COA1: variants seen among roughly 807,000 people sequenced by gnomAD.
The protein encoded by COA1 is cytochrome c oxidase assembly factor 1.
Under a neutral mutation model 16.0 loss-of-function variants are expected in COA1, and 13 were observed. That is an observed-to-expected ratio of 0.81 (90% CI 0.53 to 1.29). The LOEUF is 1.29. COA1 is among the 50% of genes most tolerant of loss of function. The pLI is 0.00. For synonymous variants in COA1, 65 were observed against 65.7 expected (o/e 0.99, Z 0.05); for missense variants, 179 against 177.0 (o/e 1.01, Z -0.06).
intron 1 of COA1, chr7:43,657,295 G>A (rs1418470239): frequency 6.6e-6 from 1 of 152,218 alleles, no homozygotes; most frequent in Non-Finnish European, 1.5e-5. Flanking sequence ...CAAGTGTATA[G>A]ATTAGCAATT....
intron 1 of COA1, among the ~76,000 whole-genome samples, chr7:43,662,973 G>A (rs534314571): frequency 6.6e-6 from 1 of 152,084 alleles, no homozygotes; most frequent in African/African-American, 2.4e-5. Flanking sequence ...ATATAGTTTG[G>A]GTATTTGTCC....
intron 4 of COA1, among the ~76,000 whole-genome samples, chr7:43,643,001 A>T (rs561242532): frequency 6.6e-6 from 1 of 152,356 alleles, no homozygotes; most frequent in African/African-American, 2.4e-5. Context: ...GAAGGCGTGC[A>T]CTGAGGCTCC....
intron 5 of COA1, 92 bp from the exon 6 acceptor site, chr7:43,639,773 GAAT>G (rs2086600784): frequency 3.3e-6 from 3 of 907,216 alleles, no homozygotes; most frequent in Non-Finnish European, 5.2e-6. Flanking sequence ...CAGTTGTTTT[GAAT>G]AATGCCTTAA....
At chr7:43,693,794 C>T (rs574942322) in intron 1 of COA1, among the ~76,000 whole-genome samples, 4 of 152,034 alleles carry the variant, frequency 2.6e-5, no homozygotes, top group Admixed American at 2.0e-4. Flanking sequence ...TACTCTCTAC[C>T]TAATCCGAAC....
chr7:43,623,918 G>T, intron 6 of COA1: 2 of 1,340,660 alleles, frequency 1.5e-6, no homozygotes, highest in South Asian at 4.1e-5. Flanking sequence ...GTTTAATATT[G>T]AACTAATTCA....
chr7:43,648,460 C>T (rs557987104), intron 2 of COA1, 140 bp downstream of exon 2: 97 of 883,502 alleles, frequency 1.1e-4, no homozygotes, highest in Middle Eastern at 8.6e-4. Flanking sequence ...CCCATCCCTC[C>T]TGTGAAGTTA....
intron 1 of COA1, among the ~76,000 whole-genome samples, chr7:43,717,968 G>A (rs2095428955): frequency 6.6e-6 from 1 of 152,142 alleles, no homozygotes; most frequent in African/African-American, 2.4e-5. Context: ...CACCATGACT[G>A]TGAGGATTCC....
intron 6 of COA1, among the ~76,000 whole-genome samples, chr7:43,619,918 A>C (rs556560037): frequency 1.5e-4 from 23 of 152,372 alleles, no homozygotes; most frequent in Middle Eastern, 3.4e-3. Context: ...TGATCTCTTC[A>C]CTATCTCTTC....
At chr7:43,679,727 T>C (rs2093683155) in intron 1 of COA1, among the ~76,000 whole-genome samples, 1 of 152,072 alleles carries the variant, frequency 6.6e-6, no homozygotes, top group East Asian at 1.9e-4. Flanking sequence ...AAATGCAATA[T>C]CCAGGCCCCA....
At chr7:43,728,316 T>G (rs1038801593) in intron 1 of COA1, among the ~76,000 whole-genome samples, 1 of 150,808 alleles carries the variant, frequency 6.6e-6, no homozygotes, top group Non-Finnish European at 1.5e-5. Flanking sequence ...GTCAGGAAGC[T>G]GTTTTATTTT....
intron 3 of COA1, 150 bp downstream of exon 3, chr7:43,647,385 C>A: frequency 1.5e-6 from 1 of 664,276 alleles, no homozygotes; most frequent in South Asian, 1.7e-5. Context: ...ACAGAGGAAG[C>A]TATAGCCAAC....
chr7:43,667,767 G>A (rs1000364463), intron 1 of COA1, among the ~76,000 whole-genome samples: 1 of 152,208 alleles, frequency 6.6e-6, no homozygotes, highest in African/African-American at 2.4e-5. Flanking sequence ...AAATGGACTG[G>A]ACTCAGAAAG....
chr7:43,700,674 C>T (rs2094702371), intron 1 of COA1, among the ~76,000 whole-genome samples: 1 of 151,154 alleles, frequency 6.6e-6, no homozygotes, highest in Non-Finnish European at 1.5e-5. Flanking sequence ...ACTAACCTTT[C>T]TGCATTTTCT....
chr7:43,609,301 C>G (rs1466052856), exon 7 of COA1: 1 of 152,266 alleles, frequency 6.6e-6, no homozygotes, highest in African/African-American at 2.4e-5. Context: ...TTCTGAGATT[C>G]ACTCTGATTA....
At chr7:43,655,529 G>A (rs763704417) in intron 1 of COA1, among the ~76,000 whole-genome samples, 5 of 152,072 alleles carry the variant, frequency 3.3e-5, no homozygotes, top group Non-Finnish European at 7.4e-5. Context: ...TGTAATCCCT[G>A]TAATCACCTG....
At chr7:43,677,440 T>C (rs1370070420) in intron 1 of COA1, among the ~76,000 whole-genome samples, 3 of 152,172 alleles carry the variant, frequency 2.0e-5, no homozygotes, top group Non-Finnish European at 2.9e-5. Flanking sequence ...AAACAGAGGT[T>C]TGCCAAATAA....
intron 1 of COA1, among the ~76,000 whole-genome samples, chr7:43,656,799 T>G (rs1243891636): frequency 6.6e-6 from 1 of 151,142 alleles, no homozygotes. Context: ...AGCCAAAAAC[T>G]ACCACCTACC....
At chr7:43,624,590 C>G (rs1350086474) in intron 6 of COA1, 5 of 1,613,952 alleles carry the variant, frequency 3.1e-6, no homozygotes, top group Non-Finnish European at 2.5e-6. Context: ...AGCCTTCTTT[C>G]AGGATGGAAA....
intron 1 of COA1, among the ~76,000 whole-genome samples, chr7:43,678,820 T>C (rs567864853): frequency 4.3e-4 from 66 of 152,188 alleles, no homozygotes; most frequent in African/African-American, 1.5e-3. Context: ...AAATGTTGGC[T>C]AGAATGTGGA....
Sources: allele counts gnomAD v4.1 joint callset (sites outside exome capture counted in the v4.1 genomes callset), GRCh38; gene constraint gnomAD v4.1.1; transcripts MANE v1.5; gene names NCBI Gene and HGNC (gene_info 2026-07-23, HGNC 2026-07-21).